RASGRF2: variants seen among roughly 807,000 people sequenced by gnomAD.
RASGRF2 encodes the protein Ras protein specific guanine nucleotide releasing factor 2.
A neutral mutation model predicts 151.0 loss-of-function variants in RASGRF2; 76 were observed. The observed-to-expected ratio is 0.50, with a 90% confidence interval of 0.42 to 0.61. The LOEUF is 0.61. Ranked by LOEUF, RASGRF2 falls within the 20% of genes least tolerant of loss-of-function variation. The probability of loss-of-function intolerance (pLI) is 0.00; values close to 1 mark genes in which losing one functional copy is unlikely to be tolerated. For missense variants in RASGRF2, 1,148 were observed against 1,564.6 expected (o/e 0.73, Z 4.49); for synonymous variants, 504 against 566.5 (o/e 0.89, Z 1.57).
chr5:80,971,097 G>A (rs145947523), intron 1 of RASGRF2, among the ~76,000 whole-genome samples: 43 of 152,196 alleles, frequency 2.8e-4, no homozygotes, highest in East Asian at 9.6e-4. Context: ...AAAATGTAGC[G>A]TACATCAGAA....
intron 17 of RASGRF2, among the ~76,000 whole-genome samples, chr5:81,148,141 T>G (rs572641723): frequency 2.6e-5 from 4 of 152,222 alleles, no homozygotes; most frequent in Non-Finnish European, 4.4e-5. Context: ...AAGGCAGATA[T>G]CATCTTCCTC....
At chr5:81,026,028 ATCCTTC>A (rs1750013076) in intron 1 of RASGRF2, among the ~76,000 whole-genome samples, 1 of 28,128 alleles carries the variant, frequency 3.6e-5, no homozygotes, top group African/African-American at 2.3e-4. Flanking sequence ...CCTTCCTTCC[ATCCTTC>A]CCTCCTTCCT....
chr5:81,113,346 G>A (rs928118227), intron 14 of RASGRF2, 192 bp from the exon 15 acceptor site: 25 of 664,022 alleles, frequency 3.8e-5, no homozygotes, highest in Non-Finnish European at 5.8e-5. Flanking sequence ...GGGATTAGAC[G>A]ATGCCTAATA....
chr5:80,968,546 A>T (rs1212671426), intron 1 of RASGRF2, among the ~76,000 whole-genome samples: 1 of 152,226 alleles, frequency 6.6e-6, no homozygotes, highest in African/African-American at 2.4e-5. Flanking sequence ...GTGCTATTAT[A>T]AAGGTAGCCC....
chr5:81,070,994 G>A (rs1021037771), intron 4 of RASGRF2, among the ~76,000 whole-genome samples: 1 of 152,032 alleles, frequency 6.6e-6, no homozygotes, highest in Non-Finnish European at 1.5e-5. Context: ...CAGCACATCC[G>A]CTTATATTTC....
At chr5:80,979,749 G>A (rs1748238533) in intron 1 of RASGRF2, among the ~76,000 whole-genome samples, 1 of 152,166 alleles carries the variant, frequency 6.6e-6, no homozygotes, top group Non-Finnish European at 1.5e-5. Flanking sequence ...ATCCTGTACT[G>A]TAAGCTTTGG....
At chr5:81,020,010 A>G (rs1338840290) in intron 1 of RASGRF2, among the ~76,000 whole-genome samples, 1 of 152,236 alleles carries the variant, frequency 6.6e-6, no homozygotes, top group Non-Finnish European at 1.5e-5. Context: ...ATTGGGTTAC[A>G]TTTGTTCTCT....
chr5:81,012,477 GAGA>G (rs1326401279), intron 1 of RASGRF2, among the ~76,000 whole-genome samples: 2 of 152,142 alleles, frequency 1.3e-5, no homozygotes, highest in African/African-American at 4.8e-5. Flanking sequence ...CTCTGCCTCA[GAGA>G]AGGAGTTGCT....
At chr5:81,119,524 G>C (rs1435205456) in intron 15 of RASGRF2, among the ~76,000 whole-genome samples, 1 of 152,198 alleles carries the variant, frequency 6.6e-6, no homozygotes, top group Admixed American at 6.5e-5. Flanking sequence ...AACTTTAGGG[G>C]ACATATCAAA....
chr5:81,152,833 T>C (rs1018325081), intron 17 of RASGRF2, among the ~76,000 whole-genome samples: 1 of 152,226 alleles, frequency 6.6e-6, no homozygotes, highest in Admixed American at 6.5e-5. Flanking sequence ...CTTGTCTCCT[T>C]ACCCCATCTC....
intron 9 of RASGRF2, among the ~76,000 whole-genome samples, chr5:81,092,300 T>C (rs1752412433): frequency 7.4e-6 from 1 of 136,008 alleles, no homozygotes; most frequent in Admixed American, 7.7e-5. Flanking sequence ...AATTTATATA[T>C]TTTTATAATA....
rs1380438144 is a variant in RASGRF2, at chr5:81,113,930, A to G, written c.2470+10A>G. ...CGAAGTATTCAAAAAGGTATTATCT[A>G]GCACATTTGCATAATTACACCCCAC... is the stretch of plus-strand genomic sequence containing the variant. On this transcript the variant is annotated intron_variant, in intron 15 of 26. Transcript: ENST00000265080. 2 of 1,604,770 alleles carry G rather than the reference A, an allele frequency of 1.2e-6. No homozygotes were observed. Among genetic ancestry groups the G allele is most frequent in the Non-Finnish European group, 1.7e-6 (2 of 1,174,100 alleles).
intron 22 of RASGRF2, among the ~76,000 whole-genome samples, chr5:81,210,420 G>A (rs1446046868): frequency 1.3e-5 from 2 of 152,186 alleles, no homozygotes; most frequent in African/African-American, 2.4e-5. Context: ...GTGTCAACAG[G>A]GCAATTATAC....
intron 22 of RASGRF2, among the ~76,000 whole-genome samples, chr5:81,210,786 G>T (rs1755612898): frequency 6.6e-6 from 1 of 152,082 alleles, no homozygotes. Context: ...TCAGATGGCT[G>T]CCAGGTCCTC....
rs557836787 is a variant in RASGRF2 at position 81,005,022 on chromosome 5, C to A, written c.289-37855C>A. ...CCCTTAGCCATCATCTCCTAATTTT[C>A]CAAACCTACCCCCAGTCCTAGGCAA... On this transcript the variant is annotated intron_variant, in intron 1 of 26. Coordinates refer to ENST00000265080, the MANE Select transcript of RASGRF2 (RefSeq NM_006909.3). 5.3e-5 allele frequency among the ~76,000 whole-genome samples: 8 copies of A among 152,274 alleles called. No individual in the cohort carries two copies. In the South Asian group the frequency reaches 1.7e-3, roughly 32 times the overall value.
Position 81,073,408 on chromosome 5 carries a change from G to GC in RASGRF2, c.849dup (p.Ile284HisfsTer12), listed in dbSNP as rs1751840234. ...TGCGTATGGCCGCCAGCTCCAAGAA[G>GC]CCCCCCATCAGCCACGACGACGTCA... On this transcript the variant is annotated frameshift_variant, in exon 5 of 27. Coordinates refer to ENST00000265080, the MANE Select transcript of RASGRF2 (RefSeq NM_006909.3). LOFTEE classifies it high-confidence loss of function. 6.2e-7 allele frequency: 1 copy of GC among 1,613,926 alleles called. No individual in the cohort carries two copies. Among genetic ancestry groups the GC allele is most frequent in the African/African-American group, 1.3e-5 (1 of 74,870 alleles).
chr5:81,148,394 A>G (rs753140644), intron 17 of RASGRF2, among the ~76,000 whole-genome samples: 6 of 152,172 alleles, frequency 3.9e-5, no homozygotes, highest in Non-Finnish European at 7.3e-5. Flanking sequence ...GCATATAAGA[A>G]AGCTCTGAGA....
chr5:81,023,383 G>T (rs1157766472), intron 1 of RASGRF2, among the ~76,000 whole-genome samples: 1 of 152,194 alleles, frequency 6.6e-6, no homozygotes, highest in African/African-American at 2.4e-5. Flanking sequence ...ACAGGTGAAA[G>T]GTTACAGAAT....
chr5:80,964,144 T>G (rs1747654031), intron 1 of RASGRF2, among the ~76,000 whole-genome samples: 1 of 152,120 alleles, frequency 6.6e-6, no homozygotes, highest in East Asian at 1.9e-4. Flanking sequence ...CTTTGATGAG[T>G]CTTTGGAGGA....
Sources: allele counts gnomAD v4.1 joint callset (sites outside exome capture counted in the v4.1 genomes callset), GRCh38; gene constraint gnomAD v4.1.1; transcripts MANE v1.5; gene names NCBI Gene and HGNC (gene_info 2026-07-23, HGNC 2026-07-21).